Variants in DPP9 observed in about 807,000 individuals in gnomAD.
The protein encoded by DPP9 is dipeptidyl peptidase 9.
DPP9 carries 50 observed loss-of-function variants against 110.7 expected under a neutral mutation model. The ratio of observed to expected loss-of-function variants is 0.45; its 90% CI spans 0.36 to 0.57. DPP9 has a LOEUF of 0.57. DPP9 is among the 20% of genes least tolerant of loss of function. DPP9 has a pLI of 0.00. For synonymous variants in DPP9, 561 were observed against 514.4 expected, an observed-to-expected ratio of 1.09 and a Z score of -1.23; for missense variants, 1,022 against 1,217.9, an observed-to-expected ratio of 0.84 and a Z score of 2.39.
chr19:4,698,655 AAG>A lies in DPP9; in HGVS notation c.1075-1006_1075-1005del, dbSNP rs1265906885. ...TCCCAGCTACTCAAGAGGCTGAGGC[AAG>A]AGGATTGCCTTGAGCCTGGGAAGTT... is the stretch of plus-strand genomic sequence containing the variant. On this transcript the variant is annotated intron_variant, in intron 10 of 21. Transcript: ENST00000262960. This position sits in a 1 kb window ranked among gnomAD's most constrained non-coding sequence, Gnocchi z 4.2. Among the ~76,000 whole-genome samples the A allele has an allele frequency of 6.6e-6, 1 of 152,130 alleles. No individual in the cohort carries two copies. Among genetic ancestry groups the A allele is most frequent in the African/African-American group, 2.4e-5 (1 of 41,430 alleles).
chr19:4,718,198 G>A lies in DPP9; in HGVS notation c.56+1653C>T, dbSNP rs966355386. ...GTCTAGCAAATAGCTGGGATGAGAG[G>A]GGTGCAAGCCACCGTGCCCAGCTCC... On this transcript the variant is annotated intron_variant, in intron 3 of 21. Transcript: ENST00000262960. The surrounding 1 kb of genome is among the most constrained non-coding windows in gnomAD (Gnocchi z 4.3). 1.3e-5 allele frequency among the ~76,000 whole-genome samples: 2 copies of A among 152,158 alleles called. No homozygotes were observed. Among genetic ancestry groups the A allele is most frequent in the Non-Finnish European group, 2.9e-5 (2 of 68,028 alleles).
At position 4,682,821 on chromosome 19, in the gene DPP9, G is replaced by A. The variant is rs757345658; in HGVS notation, c.2349C>T (p.Ala783=). The stretch of plus-strand genomic sequence containing the variant: ...CGTAGGCCATCCAGACGGTGACCGG[G>A]GCACCCGCGATGGCCACCTGAGGGA... ...PQVFKVAIAG[A]PVTVWMAYDT... The change falls in exon 20 of 22, where the codon GCC becomes GCT. Residue 783 remains alanine, a synonymous_variant. Coordinates refer to ENST00000262960, the MANE Select transcript of DPP9 (RefSeq NM_139159.5). The surrounding 1 kb of genome is among the most constrained non-coding windows in gnomAD (Gnocchi z 7.1). 6.3e-7 allele frequency: 1 copy of A among 1,588,716 alleles called. No individual in the cohort carries two copies. The highest frequency in any genetic ancestry group is 2.3e-5 in the East Asian group (1 of 43,536).
chr19:4,687,661 C>T lies in DPP9; in HGVS notation c.1885+1096G>A, dbSNP rs1345265182. Among the ~76,000 whole-genome samples the T allele has an allele frequency of 1.3e-5, 2 of 151,024 alleles. No individual in the cohort carries two copies. The highest frequency in any genetic ancestry group is 2.1e-4 in the South Asian group (1 of 4,810). ...TCTGGGCACAGGACACCATAAAGGG[C>T]CCTCTGCATGCCGCTGTGGCCAGGA... On this transcript the variant is annotated intron_variant, in intron 16 of 21. Transcript: ENST00000262960. The surrounding 1 kb of genome is among the most constrained non-coding windows in gnomAD (Gnocchi z 4.7).
In DPP9 at chr19:4,719,945, C is replaced by T. The variant is rs373423284; in HGVS notation, c.-35-4G>A. ...GACCTCAGGAGGGCAGGGGTGCCTG[C>T]GGGCAAGTGGGAGGAGAGATCAAAG... On this transcript the variant is annotated splice_region_variant and splice_polypyrimidine_tract_variant and intron_variant, in intron 2 of 21. Coordinates refer to ENST00000262960, the MANE Select transcript of DPP9 (RefSeq NM_139159.5). The T allele has an allele frequency of 1.4e-4, 222 of 1,551,184 alleles. 1 individual carries two copies. The South Asian group carries it at 1.8e-3, about 12-fold the overall frequency.
chr19:4,697,715 G>A (rs1357421650), intron 10 of DPP9, 64 bp from the exon 11 acceptor site: 3 of 1,390,830 alleles, frequency 2.2e-6, no homozygotes, highest in South Asian at 1.2e-5. Context: ...GGAGGAGAAG[G>A]CCACTGCGCT....
At chr19:4,720,618 T>C (rs1599961085) in intron 2 of DPP9, among the ~76,000 whole-genome samples, 1 of 152,134 alleles carries the variant, frequency 6.6e-6, no homozygotes, top group East Asian at 1.9e-4. Flanking sequence ...CTGGGGGCGA[T>C]TTGGCCCCTC....
chr19:4,703,696 A>T (rs533918419), intron 7 of DPP9, among the ~76,000 whole-genome samples, 190 bp downstream of exon 7: 1 of 151,488 alleles, frequency 6.6e-6, no homozygotes, highest in African/African-American at 2.4e-5. Flanking sequence ...AAAGAAAGAA[A>T]GAAAGAAAAC....
chr19:4,690,834 A>G (rs763018105), intron 14 of DPP9, 44 bp downstream of exon 14: 10 of 1,495,042 alleles, frequency 6.7e-6, no homozygotes, highest in Non-Finnish European at 9.3e-6. Flanking sequence ...TGTGTAAAAC[A>G]CACATGCATG....
chr19:4,688,325 T>G (rs1308951296), intron 16 of DPP9: 1 of 165,948 alleles, frequency 6.0e-6, no homozygotes, highest in Non-Finnish European at 1.3e-5. Flanking sequence ...CTCAGGCTGG[T>G]CTCAAACTCC....
chr19:4,696,456 T>A (rs1291698559), intron 11 of DPP9, among the ~76,000 whole-genome samples: 2 of 143,268 alleles, frequency 1.4e-5, no homozygotes, highest in East Asian at 4.1e-4. Context: ...CAAGACCTTG[T>A]CTCTACAAAA....
chr19:4,682,625 C>G lies in DPP9; in HGVS notation c.2474+71G>C, dbSNP rs2145358800. ...GCCAGCTGGGGCAGGAGGGCACCCT[C>G]ATAGAGACAGCTGGTGCCGGGGTGC... is the stretch of plus-strand genomic sequence containing the variant. On this transcript the variant is annotated intron_variant, in intron 20 of 21. Transcript: ENST00000262960. The surrounding 1 kb of genome is among the most constrained non-coding windows in gnomAD (Gnocchi z 7.1). 1 of 1,567,480 alleles carries G rather than the reference C, an allele frequency of 6.4e-7. No individual in the cohort carries two copies. The highest frequency in any genetic ancestry group is 1.2e-5 in the South Asian group (1 of 85,426).
chr19:4,683,855 G>A (rs1252823979), intron 18 of DPP9: 2 of 1,523,114 alleles, frequency 1.3e-6, no homozygotes, highest in African/African-American at 1.4e-5. Flanking sequence ...GTGGCTCTGG[G>A]AGCCACGTCC....
chr19:4,721,803 C>T (rs1452559254), intron 2 of DPP9, among the ~76,000 whole-genome samples: 1 of 152,110 alleles, frequency 6.6e-6, no homozygotes, highest in Non-Finnish European at 1.5e-5. Context: ...GAGGGAAGCA[C>T]ATGGGGACAG....
At chr19:4,719,693 C>T in intron 3 of DPP9, 158 bp downstream of exon 3, 1 of 867,046 alleles carries the variant, frequency 1.2e-6, no homozygotes, top group Middle Eastern at 2.6e-4. Flanking sequence ...CACTACGCCA[C>T]ACTGCCTCCT....
Position 4,680,311 on chromosome 19 carries a change from G to A in DPP9, c.2475-365C>T, listed in dbSNP as rs557100820. ...GTCCAGCTACTGTGCAGGCTGAGGC[G>A]GGAGGATCACTTGAGCCCAGGAGGT... On this transcript the variant is annotated intron_variant, in intron 20 of 21. Transcript: ENST00000262960. Among the ~76,000 whole-genome samples the A allele has an allele frequency of 4.0e-5, 6 of 151,692 alleles. No homozygotes were observed. In the East Asian group the frequency reaches 1.2e-3, roughly 29 times the overall value.
At chr19:4,691,091 G>A (rs1045586654) in intron 13 of DPP9, 134 bp from the exon 14 acceptor site, 12 of 662,844 alleles carry the variant, frequency 1.8e-5, no homozygotes, top group Admixed American at 7.4e-5. Context: ...GAACTCAGAC[G>A]CCAGCACAGG....
Position 4,689,032 on chromosome 19 carries a change from C to T in DPP9, c.1750-140G>A, listed in dbSNP as rs1247005256. 3.7e-6 allele frequency: 4 copies of T among 1,081,588 alleles called. No homozygotes were observed. The highest frequency in any genetic ancestry group is 8.6e-5 in the Admixed American group (2 of 23,216). The allele number at this position is 1,081,588 out of a possible 1,614,324, so 67.0% of individuals were successfully genotyped here. A position where few individuals can be genotyped will look rare whatever the true frequency, so the allele number is the denominator to read the frequency against. ...TGCCTGTCATGAAACCTCAAAGCTC[C>T]ACCCGCTGCTGCAAGGGGGGCACCA... On this transcript the variant is annotated intron_variant, in intron 15 of 21. Coordinates refer to ENST00000262960, the MANE Select transcript of DPP9 (RefSeq NM_139159.5). The surrounding 1 kb of genome is among the most constrained non-coding windows in gnomAD (Gnocchi z 7.0).
chr19:4,714,436 A>C, intron 3 of DPP9, 99 bp from the exon 4 acceptor site: 2 of 1,408,592 alleles, frequency 1.4e-6, no homozygotes, highest in Non-Finnish European at 1.9e-6. Flanking sequence ...CTTCCAGACG[A>C]GCCCCACCCC....
intron 2 of DPP9, among the ~76,000 whole-genome samples, chr19:4,720,320 A>G (rs1255435625): frequency 6.6e-6 from 1 of 152,094 alleles, no homozygotes; most frequent in Non-Finnish European, 1.5e-5. Context: ...ACCCTTGACC[A>G]TGACCTTCGG....
Sources: gnomAD v4.1 joint callset for allele counts (sites outside exome capture counted in the v4.1 genomes callset) on GRCh38, gnomAD v4.1.1 for gene constraint, Gnocchi (gnomAD v3.1) non-coding constraint, MANE v1.5 for transcripts, NCBI Gene and HGNC (gene_info 2026-07-23, HGNC 2026-07-21) for gene names.